The following DOCK4 variants were observed in gnomAD, a reference collection of about 807,000 sequenced individuals.
DOCK4 encodes the protein dedicator of cytokinesis protein 4.
Under a neutral mutation model 268.1 loss-of-function variants are expected in DOCK4, and 97 were observed. The ratio of observed to expected loss-of-function variants is 0.36; its 90% CI spans 0.31 to 0.43. The LOEUF is 0.43. DOCK4 is among the 20% of genes least tolerant of loss of function. The pLI is 1.00. For missense variants in DOCK4, 2,145 were observed against 2,455.7 expected, an observed-to-expected ratio of 0.87 and a Z score of 2.67; for synonymous variants, 954 against 887.2, an observed-to-expected ratio of 1.08 and a Z score of -1.34.
chr7:111,771,846 T>G (rs1798144832), intron 36 of DOCK4, among the ~76,000 whole-genome samples: 1 of 152,160 alleles, frequency 6.6e-6, no homozygotes, highest in Non-Finnish European at 1.5e-5. Flanking sequence ...CTTTCCCCCT[T>G]TGCTGAAATA....
intron 8 of DOCK4, among the ~76,000 whole-genome samples, chr7:111,958,011 A>T (rs1387315692): frequency 3.3e-5 from 5 of 152,206 alleles, no homozygotes. Flanking sequence ...AGCACAGTGT[A>T]ACATGAAACA....
At chr7:111,845,504 A>T (rs1463715276) in intron 24 of DOCK4, among the ~76,000 whole-genome samples, 1 of 152,142 alleles carries the variant, frequency 6.6e-6, no homozygotes, top group African/African-American at 2.4e-5. Flanking sequence ...ACGCCCCAGG[A>T]CTTGCAAGAG....
intron 30 of DOCK4, among the ~76,000 whole-genome samples, chr7:111,803,695 C>A (rs1423646858): frequency 6.6e-6 from 1 of 152,120 alleles, no homozygotes; most frequent in African/African-American, 2.4e-5. Flanking sequence ...TCTGTTCTTG[C>A]AAGTAGGGGT....
At chr7:112,100,087 G>C (rs1035254136) in intron 1 of DOCK4, among the ~76,000 whole-genome samples, 7 of 152,166 alleles carry the variant, frequency 4.6e-5, no homozygotes, top group Non-Finnish European at 1.0e-4. Flanking sequence ...AAAATGAGCT[G>C]TGTTTCAAAC....
At chr7:112,202,174 T>C (rs971465097) in intron 1 of DOCK4, among the ~76,000 whole-genome samples, 1 of 152,222 alleles carries the variant, frequency 6.6e-6, no homozygotes, top group African/African-American at 2.4e-5. Context: ...TTCTTCAGCA[T>C]ACTGATTTCA....
intron 1 of DOCK4, among the ~76,000 whole-genome samples, chr7:112,010,730 G>A (rs1383036282): frequency 6.6e-6 from 1 of 152,152 alleles, no homozygotes; most frequent in Admixed American, 6.5e-5. Flanking sequence ...CAGTTATCAC[G>A]GTCAGCCTTT....
At chr7:112,186,495 T>C (rs993564885) in intron 1 of DOCK4, among the ~76,000 whole-genome samples, 25 of 152,214 alleles carry the variant, frequency 1.6e-4, no homozygotes, top group African/African-American at 6.0e-4. Flanking sequence ...ATCATGTAGT[T>C]GTCATGAGCA....
chr7:111,729,557 A>G (rs1250357298), intron 52 of DOCK4, among the ~76,000 whole-genome samples: 4 of 152,226 alleles, frequency 2.6e-5, no homozygotes, highest in African/African-American at 9.6e-5. Flanking sequence ...CAAAAAATAA[A>G]TAAAGGTATC....
At chr7:111,926,923 G>C (rs551559174) in intron 12 of DOCK4, among the ~76,000 whole-genome samples, 1 of 151,596 alleles carries the variant, frequency 6.6e-6, no homozygotes, top group African/African-American at 2.4e-5. Context: ...AAAAGAAAAA[G>C]AACGGAGGAA....
intron 50 of DOCK4, among the ~76,000 whole-genome samples, chr7:111,736,370 C>T (rs555412162): frequency 6.6e-6 from 1 of 152,300 alleles, no homozygotes; most frequent in Non-Finnish European, 1.5e-5. Flanking sequence ...GCAGACTGAT[C>T]CTAATTGGCT....
At chr7:112,148,217 A>G (rs541569165) in intron 1 of DOCK4, among the ~76,000 whole-genome samples, 3 of 152,270 alleles carry the variant, frequency 2.0e-5, no homozygotes, top group Non-Finnish European at 4.4e-5. Flanking sequence ...GCTGGAGTCA[A>G]GATTATAATA....
intron 15 of DOCK4, among the ~76,000 whole-genome samples, chr7:111,896,506 T>C (rs78271474): frequency 1.5e-4 from 22 of 151,068 alleles, no homozygotes; most frequent in Non-Finnish European, 2.7e-4. Context: ...TTTTTTTTTT[T>C]CCTCCAAAAA....
In DOCK4 at chr7:111,873,106, C is replaced by T. The variant is rs551562581; in HGVS notation, c.1745-542G>A. Reference sequence around the variant, plus strand: ...TGCAGACTAAAAGAATGGTAACAGGCCCAGTGATTTCTTAGATCATCCAGG... The same window carrying T: ...TGCAGACTAAAAGAATGGTAACAGGTCCAGTGATTTCTTAGATCATCCAGG... On this transcript the variant is annotated intron_variant, in intron 17 of 52. Transcript: ENST00000428084. Among the ~76,000 whole-genome samples, 8 of 152,256 alleles carry T rather than the reference C, an allele frequency of 5.3e-5. No homozygotes were observed. The South Asian group carries it at 6.2e-4, about 12-fold the overall frequency.
At chr7:112,089,731 C>T (rs1451729877) in intron 1 of DOCK4, among the ~76,000 whole-genome samples, 1 of 152,030 alleles carries the variant, frequency 6.6e-6, no homozygotes, top group East Asian at 1.9e-4. Context: ...TAGCACCTCC[C>T]CCTTCTCGCT....
chr7:112,021,069 C>T (rs896914361), intron 1 of DOCK4, among the ~76,000 whole-genome samples: 9 of 152,220 alleles, frequency 5.9e-5, no homozygotes, highest in South Asian at 2.1e-4. Flanking sequence ...TGCTGGGGGA[C>T]GAACACTAGA....
intron 20 of DOCK4, among the ~76,000 whole-genome samples, chr7:111,870,243 A>T (rs1806300324): frequency 6.6e-6 from 1 of 152,090 alleles, no homozygotes; most frequent in Non-Finnish European, 1.5e-5. Flanking sequence ...TGTAAAAACA[A>T]CAGCCCACAA....
At chr7:111,778,132 C>T (rs1374550094) in intron 36 of DOCK4, 144 bp downstream of exon 36, 2 of 570,318 alleles carry the variant, frequency 3.5e-6, no homozygotes, top group East Asian at 5.9e-5. Context: ...ATAGAATCTG[C>T]AGAAATATAT....
chr7:111,765,616 G>C (rs762509824), intron 38 of DOCK4, among the ~76,000 whole-genome samples: 4 of 152,162 alleles, frequency 2.6e-5, no homozygotes, highest in Non-Finnish European at 5.9e-5. Context: ...TGAATTATTA[G>C]AGGCAAAACT....
intron 1 of DOCK4, among the ~76,000 whole-genome samples, chr7:112,115,221 T>C (rs568891493): frequency 4.6e-5 from 7 of 152,220 alleles, no homozygotes; most frequent in Non-Finnish European, 1.0e-4. Context: ...TTAAAAAATA[T>C]ATACAGAAAA....
Sources: allele counts gnomAD v4.1 joint callset (sites outside exome capture counted in the v4.1 genomes callset), GRCh38; gene constraint gnomAD v4.1.1; transcripts MANE v1.5; gene names NCBI Gene and HGNC (gene_info 2026-07-23, HGNC 2026-07-21).